Variants in PCDH15 observed in about 807,000 individuals in gnomAD.
PCDH15 encodes protocadherin related 15, also known as protocadherin-15.
PCDH15 carries 129 observed loss-of-function variants against 178.5 expected under a neutral mutation model. The observed-to-expected ratio is 0.72, with a 90% CI of 0.63 to 0.84. The LOEUF is 0.84. PCDH15 is among the 40% of genes least tolerant of loss of function. The pLI, the probability that PCDH15 is intolerant of heterozygous loss-of-function variation, is 0.00. For missense variants in PCDH15, 2,230 were observed against 2,099.9 expected, an observed-to-expected ratio of 1.06 and a Z score of -1.21; for synonymous variants, 800 against 732.0, an observed-to-expected ratio of 1.09 and a Z score of -1.50.
intron 20 of PCDH15, among the ~76,000 whole-genome samples, chr10:54,015,906 A>G (rs1298244457): frequency 6.6e-6 from 1 of 152,188 alleles, no homozygotes; most frequent in Admixed American, 6.5e-5. Context: ...AGTGTGACTT[A>G]ATTAAACTAA....
chr10:55,481,248 TA>T (rs1198376221), intron 2 of PCDH15, among the ~76,000 whole-genome samples: 60 of 151,662 alleles, frequency 4.0e-4, no homozygotes, highest in Non-Finnish European at 7.2e-4. Context: ...TTATTCTAGC[TA>T]ATAGTCTATT....
chr10:54,995,200 C>A (rs1486155905), intron 2 of PCDH15, among the ~76,000 whole-genome samples: 1 of 151,858 alleles, frequency 6.6e-6, no homozygotes, highest in Non-Finnish European at 1.5e-5. Flanking sequence ...CACGGTGAAA[C>A]CCTGTCTCTA....
intron 13 of PCDH15, among the ~76,000 whole-genome samples, chr10:54,182,890 C>T (rs1189678436): frequency 6.6e-6 from 1 of 151,860 alleles, no homozygotes; most frequent in Non-Finnish European, 1.5e-5. Flanking sequence ...TATTCACTTA[C>T]TACAAATAGC....
At chr10:54,290,457 A>G (rs899901444) in intron 8 of PCDH15, among the ~76,000 whole-genome samples, 1 of 152,252 alleles carries the variant, frequency 6.6e-6, no homozygotes, top group Admixed American at 6.5e-5. Context: ...AATTGTAAAG[A>G]CCATGGATGC....
intron 28 of PCDH15, among the ~76,000 whole-genome samples, chr10:53,849,607 G>A (rs1037040421): frequency 6.6e-6 from 1 of 152,088 alleles, no homozygotes; most frequent in Non-Finnish European, 1.5e-5. Context: ...GCTCATGCCT[G>A]TAATCCCAGC....
intron 2 of PCDH15, among the ~76,000 whole-genome samples, chr10:55,159,087 A>G (rs1358675002): frequency 1.3e-5 from 2 of 151,996 alleles, no homozygotes; most frequent in Non-Finnish European, 2.9e-5. Flanking sequence ...AAATGACTTT[A>G]GTACAGACAA....
intron 1 of PCDH15, among the ~76,000 whole-genome samples, chr10:55,219,778 A>G (rs900556503): frequency 8.6e-5 from 13 of 151,664 alleles, no homozygotes; most frequent in African/African-American, 3.2e-4. Flanking sequence ...TTGTTTAATG[A>G]GTACATAGCA....
chr10:53,806,942 C>A lies in PCDH15; in HGVS notation c.4860G>T (p.Thr1620=). The change falls in exon 38 of 38, where the codon ACG becomes ACT. Residue 1620 remains threonine, a synonymous_variant. Coordinates refer to ENST00000644397, the MANE Select transcript of PCDH15 (RefSeq NM_001384140.1). The part of the protein sequence containing the change: ...SVVRTRRACL[T]DNLKVASPVR... ...CAGGGGAAGCAACTTTTAAGTTGTC[C>A]GTGAGGCAGGCACGGCGGGTTCTCA... The A allele has an allele frequency of 6.2e-7, 1 of 1,613,762 alleles. No homozygotes were observed.
At chr10:54,720,216 A>G (rs1303979165) in intron 1 of PCDH15, among the ~76,000 whole-genome samples, 1 of 152,142 alleles carries the variant, frequency 6.6e-6, no homozygotes, top group Admixed American at 6.6e-5. Context: ...AGGAATATAA[A>G]TCATTCCACT....
At chr10:54,980,918 G>T (rs1839217959) in intron 2 of PCDH15, among the ~76,000 whole-genome samples, 1 of 151,724 alleles carries the variant, frequency 6.6e-6, no homozygotes, top group African/African-American at 2.4e-5. Flanking sequence ...ATAGAAAATT[G>T]CTCACAGAAA....
chr10:54,672,080 C>T (rs756635076), intron 1 of PCDH15, among the ~76,000 whole-genome samples: 27 of 151,906 alleles, frequency 1.8e-4, no homozygotes, highest in Non-Finnish European at 1.2e-4. Flanking sequence ...ATGTTCCTTA[C>T]GAGAATCTAA....
chr10:54,044,618 G>A (rs1194078366), intron 18 of PCDH15, among the ~76,000 whole-genome samples: 2 of 152,080 alleles, frequency 1.3e-5, no homozygotes, highest in Admixed American at 1.3e-4. Context: ...GAGGCAGATG[G>A]ATGAAATGTA....
intron 2 of PCDH15, among the ~76,000 whole-genome samples, chr10:54,536,444 ATTT>A (rs1345856917): frequency 8.5e-5 from 13 of 152,104 alleles, no homozygotes; most frequent in African/African-American, 3.1e-4. Context: ...GGAAAACCAC[ATTT>A]TATTAGTAGA....
At chr10:54,507,189 A>C (rs1055125683) in intron 3 of PCDH15, among the ~76,000 whole-genome samples, 6 of 151,882 alleles carry the variant, frequency 4.0e-5, no homozygotes, top group Admixed American at 1.3e-4. Context: ...AAGCACTTTA[A>C]TGATCTCACA....
intron 3 of PCDH15, among the ~76,000 whole-genome samples, chr10:54,840,262 G>T (rs1809264363): frequency 6.6e-6 from 1 of 151,772 alleles, no homozygotes; most frequent in Admixed American, 6.6e-5. Context: ...TTTTTTAATG[G>T]ATGCACAAAT....
At position 53,879,941 on chromosome 10, in the gene PCDH15, C is replaced by T. The variant is rs988500538; in HGVS notation, c.3502-13084G>A. ...TGCTGGTATCACAGGCTTGAGCCAT[C>T]GCGGCTAGCCGTAACTTTATATTCT... On this transcript the variant is annotated intron_variant, in intron 26 of 37. Coordinates refer to ENST00000644397, the MANE Select transcript of PCDH15 (RefSeq NM_001384140.1). Among the ~76,000 whole-genome samples, 9 of 152,204 alleles carry T rather than the reference C, an allele frequency of 5.9e-5. 1 individual carries two copies. Among genetic ancestry groups the T allele is most frequent in the Admixed American group, 5.2e-4 (8 of 15,278 alleles).
At chr10:53,902,387 T>C (rs1427360784) in intron 26 of PCDH15, among the ~76,000 whole-genome samples, 7 of 152,098 alleles carry the variant, frequency 4.6e-5, no homozygotes, top group East Asian at 3.9e-4. Flanking sequence ...CAATTACTCA[T>C]GTGCAAAACT....
chr10:55,326,681 A>T (rs935968674), intron 2 of PCDH15, among the ~76,000 whole-genome samples: 3 of 152,082 alleles, frequency 2.0e-5, no homozygotes, highest in Admixed American at 6.6e-5. Context: ...TATTTGCAAT[A>T]TAACAAAAGG....
intron 29 of PCDH15, among the ~76,000 whole-genome samples, chr10:53,834,957 T>G (rs1235667302): frequency 6.6e-6 from 1 of 152,158 alleles, no homozygotes; most frequent in Non-Finnish European, 1.5e-5. Context: ...GGTACACAAT[T>G]TAGGCGTACA....
Sources: allele counts gnomAD v4.1 joint callset (sites outside exome capture counted in the v4.1 genomes callset), GRCh38; gene constraint gnomAD v4.1.1; transcripts MANE v1.5; gene names NCBI Gene and HGNC (gene_info 2026-07-23, HGNC 2026-07-21).